Variants in SLC5A10 observed in about 807,000 individuals in gnomAD.
The protein encoded by SLC5A10 is solute carrier family 5 member 10.
A neutral mutation model predicts 68.9 loss-of-function variants in SLC5A10; 55 were observed. That is an observed-to-expected ratio of 0.80 (90% confidence interval 0.64 to 1.00). SLC5A10 has a LOEUF of 1.00. Among genes scored for constraint, SLC5A10 ranks in the 50% least tolerant of loss-of-function variants. The probability of loss-of-function intolerance (pLI) is 0.00; values close to 1 mark genes in which losing one functional copy is unlikely to be tolerated. For missense variants in SLC5A10, 732 were observed against 819.3 expected (o/e 0.89, Z 1.30); for synonymous variants, 344 against 344.8 (o/e 1.00, Z 0.02).
chr17:18,958,767 G>T lies in SLC5A10; in HGVS notation c.183+14G>T. On this transcript the variant is annotated intron_variant, in intron 2 of 14. Transcript: ENST00000395645. ...ACGTGGTGGCCGGTGAGTGCACCCT[G>T]ACTTCTCACACACCCCCACTTTGTC... is the stretch of plus-strand genomic sequence containing the variant. The T allele has an allele frequency of 6.2e-7, 1 of 1,613,938 alleles. No homozygotes were observed. Among genetic ancestry groups the T allele is most frequent in the South Asian group, 1.1e-5 (1 of 91,074 alleles).
rs143669872 is a variant in SLC5A10, at chr17:18,958,781, C to A, written c.183+28C>A. ...GAGTGCACCCTGACTTCTCACACACCCCCACTTTGTCCGTGGGGCTGTGTC... is the reference window on the plus strand; with the variant it reads ...GAGTGCACCCTGACTTCTCACACACACCCACTTTGTCCGTGGGGCTGTGTC... On this transcript the variant is annotated intron_variant, in intron 2 of 14. Transcript: ENST00000395645. The A allele has an allele frequency of 1.7e-3, 2,706 of 1,612,476 alleles. 35 individuals carry two copies. The Middle Eastern group carries it at 0.047, about 28-fold the overall frequency.
At chr17:18,960,507 C>A in intron 4 of SLC5A10, 41 bp from the exon 5 acceptor site, 1 of 1,563,980 alleles carries the variant, frequency 6.4e-7, no homozygotes, top group Non-Finnish European at 8.8e-7. Context: ...CCCTGGGCAT[C>A]ATCTGGAGGA....
At chr17:19,010,658 A>AT (rs67386200) in intron 9 of SLC5A10, among the ~76,000 whole-genome samples, 100,545 of 151,898 alleles carry the variant, frequency 0.66, 34,939 homozygotes, top group Non-Finnish European at 0.78. Flanking sequence ...TTTCTGAAAC[A>AT]TATATGGCTG....
chr17:18,958,302 C>T (rs2042542306), intron 1 of SLC5A10, among the ~76,000 whole-genome samples: 1 of 152,178 alleles, frequency 6.6e-6, no homozygotes, highest in East Asian at 1.9e-4. Context: ...TCAAGTGATC[C>T]GCTTACCTCC....
upstream of SLC5A10, chr17:18,952,085 C>A (rs2042377482): frequency 6.9e-7 from 1 of 1,455,468 alleles, no homozygotes; most frequent in Admixed American, 2.2e-5. Context: ...ACATCATGGG[C>A]TGGAGATGCC....
At chr17:18,955,598 G>T (rs1286832400) in intron 1 of SLC5A10, among the ~76,000 whole-genome samples, 9 of 152,242 alleles carry the variant, frequency 5.9e-5, no homozygotes, top group African/African-American at 2.2e-4. Flanking sequence ...AAAAAGCATG[G>T]GCTGTAAACA....
Position 19,020,394 on chromosome 17 carries a change from T to C in SLC5A10, c.1754T>C (p.Met585Thr). Residue 585 changes from methionine (M) to threonine (T), a missense_variant, in exon 15 of 15, where the codon ATG (methionine) becomes ACG (threonine). Coordinates refer to ENST00000395645, the MANE Select transcript of SLC5A10 (RefSeq NM_001042450.4). ...RVCGFNAILL[M>T]CVNIFFYAYF... ...TGTGGCTTCAATGCCATCCTCCTCA[T>C]GTGTGTCAACATATTCTTTTATGCC... The C allele has an allele frequency of 6.2e-7, 1 of 1,614,084 alleles. No homozygotes were observed. Among genetic ancestry groups the C allele is most frequent in the Non-Finnish European group, 8.5e-7 (1 of 1,180,036 alleles).
intron 11 of SLC5A10, among the ~76,000 whole-genome samples, chr17:19,016,472 G>A (rs1184581948): frequency 1.3e-5 from 2 of 152,076 alleles, no homozygotes; most frequent in Non-Finnish European, 2.9e-5. Context: ...TCTGCTGCTC[G>A]GGGGTCCAGC....
chr17:18,978,826 C>T (rs1234232137), intron 9 of SLC5A10: 12 of 1,612,368 alleles, frequency 7.4e-6, no homozygotes, highest in Admixed American at 3.3e-5. Flanking sequence ...CATTCCGGTC[C>T]GTCCGCGCGG....
chr17:18,995,385 GA>G (rs1357011795), intron 9 of SLC5A10, among the ~76,000 whole-genome samples: 2 of 152,098 alleles, frequency 1.3e-5, no homozygotes, highest in Non-Finnish European at 2.9e-5. Context: ...CACTATAGAA[GA>G]GAAAATTAGT....
In SLC5A10 at chr17:19,018,529, A is replaced by G. The variant is rs2044187007; in HGVS notation, c.1242-894A>G. The stretch of plus-strand genomic sequence containing the variant: ...AGGCACCAGGTCCCACTCATCGCCG[A>G]GTTGGGGATCCTAGGGTAGTGTCCT... On this transcript the variant is annotated intron_variant, in intron 11 of 14. Transcript: ENST00000395645. The surrounding 1 kb of genome is among the most constrained non-coding windows in gnomAD (Gnocchi z 4.2). 2 of 152,258 alleles carry G rather than the reference A, an allele frequency of 1.3e-5. No homozygotes were observed. The highest frequency in any genetic ancestry group is 4.8e-5 in the African/African-American group (2 of 41,424). 9.4% of individuals were successfully genotyped at this position (152,258 alleles called of 1,614,324 possible). A position where few individuals can be genotyped will look rare whatever the true frequency, so the allele number is the denominator to read the frequency against.
At position 19,004,210 on chromosome 17, in the gene SLC5A10, CGGGCCGCGCGGGGA is replaced by C; in HGVS notation, c.983-9196_983-9183del. 5.6e-6 allele frequency: 1 copy of C among 177,686 alleles called. No homozygotes were observed. 11.0% of individuals were successfully genotyped at this position (177,686 alleles called of 1,614,324 possible). On this transcript the variant is annotated intron_variant, in intron 9 of 14. Coordinates refer to ENST00000395645, the MANE Select transcript of SLC5A10 (RefSeq NM_001042450.4). The surrounding 1 kb of genome is among the most constrained non-coding windows in gnomAD (Gnocchi z 5.4). ...GATGAGCCCGGCTCGGCGGGGAGGG[CGGGCCGCGCGGGGA>C]GGGGCGGCGGGGGCGGGGCCGGGAA...
chr17:18,961,502 C>A (rs1378237318), intron 5 of SLC5A10, among the ~76,000 whole-genome samples: 1 of 152,168 alleles, frequency 6.6e-6, no homozygotes, highest in Non-Finnish European at 1.5e-5. Context: ...ATGGGCAGGA[C>A]CACCGTGTGA....
At chr17:18,952,403 T>C in intron 1 of SLC5A10, 87 bp downstream of exon 1, 5 of 1,475,192 alleles carry the variant, frequency 3.4e-6, no homozygotes, top group Non-Finnish European at 4.6e-6. Flanking sequence ...GTCCCTGTGG[T>C]GTCAGCATTG....
intron 9 of SLC5A10, among the ~76,000 whole-genome samples, chr17:19,005,842 C>T (rs539854223): frequency 1.3e-5 from 2 of 152,330 alleles, no homozygotes; most frequent in African/African-American, 2.4e-5. Flanking sequence ...CATAGTGGCC[C>T]CTGGGGAACA....
rs117355297 is a variant in SLC5A10, at chr17:19,020,368, C to A, written c.1728C>A (p.Val576=). 2 of 1,614,044 alleles carry A rather than the reference C, an allele frequency of 1.2e-6. No individual in the cohort carries two copies. Among genetic ancestry groups the A allele is most frequent in the African/African-American group, 2.7e-5 (2 of 74,928 alleles). The part of the protein sequence containing the change: ...TPQKHAFWAR[V]CGFNAILLMC... ...AGAAACACGCCTTCTGGGCCCGTGT[C>A]TGTGGCTTCAATGCCATCCTCCTCA... The change falls in exon 15 of 15, where the codon GTC becomes GTA. Residue 576 remains valine, a synonymous_variant. Coordinates refer to ENST00000395645, the MANE Select transcript of SLC5A10 (RefSeq NM_001042450.4).
Position 18,969,072 on chromosome 17 carries a change from T to A in SLC5A10, c.474T>A (p.Ala158=). 1 of 1,613,924 alleles carries A rather than the reference T, an allele frequency of 6.2e-7. No individual in the cohort carries two copies. Among genetic ancestry groups the A allele is most frequent in the Non-Finnish European group, 8.5e-7 (1 of 1,179,924 alleles). Residue 158 remains alanine (A), a synonymous_variant, in exon 6 of 15, where the codon GCT becomes GCA. Transcript: ENST00000395645. The stretch of plus-strand genomic sequence containing the variant: ...CGCAGCTGGACCTGTACGCGGGGGC[T>A]CTGTTTGTGCACATCTGCCTGGGCT... ...TKISLDLYAG[A]LFVHICLGWN...
At chr17:19,011,535 G>C (rs949922198) in intron 9 of SLC5A10, among the ~76,000 whole-genome samples, 6 of 152,082 alleles carry the variant, frequency 3.9e-5, no homozygotes, top group Non-Finnish European at 8.8e-5. Context: ...AGGGAGGAGG[G>C]TCCTGAGAAA....
At chr17:18,959,480 C>A in intron 3 of SLC5A10, 124 bp from the exon 4 acceptor site, 1 of 1,114,536 alleles carries the variant, frequency 9.0e-7, no homozygotes, top group Non-Finnish European at 1.3e-6. Context: ...GATCTCATGG[C>A]AAGTCAGGAG....
Sources: gnomAD v4.1 joint callset for allele counts (sites outside exome capture counted in the v4.1 genomes callset) on GRCh38, gnomAD v4.1.1 for gene constraint, Gnocchi (gnomAD v3.1) non-coding constraint, MANE v1.5 for transcripts, NCBI Gene and HGNC (gene_info 2026-07-23, HGNC 2026-07-21) for gene names.